KLK3: variants seen among roughly 807,000 people sequenced by gnomAD.
KLK3 encodes kallikrein related peptidase 3, also known as prostate-specific antigen.
Under a neutral mutation model 27.7 loss-of-function variants are expected in KLK3, and 23 were observed. That is an observed-to-expected ratio of 0.83 (90% CI 0.60 to 1.17). The LOEUF (loss-of-function observed/expected upper bound fraction) is 1.17. Among genes scored for constraint, KLK3 ranks in the 50% most tolerant of loss-of-function variants. The pLI, the probability that KLK3 is intolerant of heterozygous loss-of-function variation, is 0.00. For missense variants in KLK3, 322 were observed against 338.1 expected, an observed-to-expected ratio of 0.95 and a Z score of 0.37; for synonymous variants, 142 against 134.2, an observed-to-expected ratio of 1.06 and a Z score of -0.40.
intron 4 of KLK3, 87 bp from the exon 5 acceptor site, chr19:50,859,885 A>T: frequency 1.3e-6 from 2 of 1,524,844 alleles, no homozygotes; most frequent in East Asian, 2.3e-5. Flanking sequence ...GCTATCTGTT[A>T]TCTGCCTGTC....
At chr19:50,856,460 G>T in intron 2 of KLK3, 61 bp downstream of exon 2, 1 of 1,574,364 alleles carries the variant, frequency 6.4e-7, no homozygotes. Context: ...TAACAGCTGG[G>T]CATTTTCCCC....
intron 4 of KLK3, among the ~76,000 whole-genome samples, chr19:50,859,132 T>G (rs540034215): frequency 1.3e-5 from 2 of 151,632 alleles, no homozygotes; most frequent in South Asian, 4.2e-4. Flanking sequence ...TGGCCAGGCC[T>G]GGGAGGAGGG....
In KLK3 at chr19:50,858,712, T is replaced by G. The variant is rs535742056; in HGVS notation, c.630+117T>G. ...CTCCCCTGCTCCCCAGCTGTAGCCA[T>G]GCCACCTCCCCGTGTCTCATCTCAT... is the stretch of plus-strand genomic sequence containing the variant. On this transcript the variant is annotated intron_variant, in intron 4 of 4. Coordinates refer to ENST00000326003, the MANE Select transcript of KLK3 (RefSeq NM_001648.2). 3 of 1,140,844 alleles carry G rather than the reference T, an allele frequency of 2.6e-6. No homozygotes were observed. The African/African-American group carries it at 4.6e-5, about 18-fold the overall frequency. 70.7% of individuals were successfully genotyped at this position (1,140,844 alleles called of 1,614,324 possible).
chr19:50,859,909 T>C (rs938061266), intron 4 of KLK3, 63 bp from the exon 5 acceptor site: 10 of 1,548,182 alleles, frequency 6.5e-6, no homozygotes, highest in African/African-American at 2.7e-5. Flanking sequence ...GTCTGAAAGA[T>C]AGGATTGCCC....
At chr19:50,855,136 C>G in intron 1 of KLK3, 135 bp downstream of exon 1, 1 of 839,328 alleles carries the variant, frequency 1.2e-6, no homozygotes. Context: ...CCCAGCCCCA[C>G]TCCAAGCCCA....
chr19:50,858,526 T>A lies in KLK3; in HGVS notation c.561T>A (p.Val187=). ...TTTCCAATGACGTGTGTGCGCAAGT[T>A]CACCCTCAGAAGGTGACCAAGTTCA... is the stretch of plus-strand genomic sequence containing the variant. ...HVISNDVCAQ[V]HPQKVTKFML... is the part of the protein sequence containing the mutation. Residue 187 remains valine (V), a synonymous_variant, in exon 4 of 5, where the codon GTT becomes GTA. Transcript: ENST00000326003. The A allele has an allele frequency of 6.2e-7, 1 of 1,614,168 alleles. No individual in the cohort carries two copies. Among genetic ancestry groups the A allele is most frequent in the Non-Finnish European group, 8.5e-7 (1 of 1,180,022 alleles).
rs10401978 is a variant in KLK3 at position 50,859,685 on chromosome 19, G to A, written c.631-287G>A. 1,372 of 1,592,780 alleles carry A rather than the reference G, an allele frequency of 8.6e-4. 5 individuals carry two copies. The African/African-American group carries it at 0.017, about 20-fold the overall frequency. On this transcript the variant is annotated intron_variant, in intron 4 of 4. Transcript: ENST00000326003. ...GGACAGCATCCTGCAGATGGTCCTG[G>A]CCCTTGTCCCACCGACCTGTCTACA...
intron 4 of KLK3, among the ~76,000 whole-genome samples, chr19:50,859,221 G>A (rs62113213): frequency 0.063 from 9,595 of 152,160 alleles, 328 homozygotes; most frequent in South Asian, 0.12. Context: ...AGGGAAGAAA[G>A]GACCCCTCCT....
At position 50,855,011 on chromosome 19, in the gene KLK3, G is replaced by A. The variant is rs1198995791; in HGVS notation, c.46+10G>A. The A allele has an allele frequency of 1.2e-6, 2 of 1,613,640 alleles. No homozygotes were observed. The highest frequency in any genetic ancestry group is 1.3e-5 in the African/African-American group (1 of 74,966). ...TCCGTGACGTGGATTGGTGAGAGGG[G>A]CCATGGTTGGGGGGATGCAGGAGAG... On this transcript the variant is annotated intron_variant, in intron 1 of 4. Coordinates refer to ENST00000326003, the MANE Select transcript of KLK3 (RefSeq NM_001648.2).
Position 50,858,319 on chromosome 19 carries a change from C to A in KLK3, c.493+4C>A. ...GGCAGCATTGAACCAGAGGAGTGTA[C>A]GCCTGGGCCAGATGGTGCAGCCGGG... On this transcript the variant is annotated splice_donor_region_variant and intron_variant, in intron 3 of 4. Transcript: ENST00000326003. 1 of 1,610,464 alleles carries A rather than the reference C, an allele frequency of 6.2e-7. No individual in the cohort carries two copies. The highest frequency in any genetic ancestry group is 8.5e-7 in the Non-Finnish European group (1 of 1,177,742).
intron 2 of KLK3, 27 bp downstream of exon 2, chr19:50,856,426 G>T: frequency 6.2e-7 from 1 of 1,607,732 alleles, no homozygotes; most frequent in East Asian, 2.2e-5. Context: ...GGTCTGGGGA[G>T]CAGGTGTCTG....
In KLK3 at chr19:50,857,896, A is replaced by G; in HGVS notation, c.207-133A>G. ...CTCGTTGTCTGTATTTTTGGCCTGAACTGTGTCTTCCCCAACCCTGTGTTT... is the reference window on the plus strand; with the variant it reads ...CTCGTTGTCTGTATTTTTGGCCTGAGCTGTGTCTTCCCCAACCCTGTGTTT... On this transcript the variant is annotated intron_variant, in intron 2 of 4. Coordinates refer to ENST00000326003, the MANE Select transcript of KLK3 (RefSeq NM_001648.2). 5.2e-6 allele frequency: 5 copies of G among 961,254 alleles called. No individual in the cohort carries two copies. The South Asian group carries it at 8.9e-5, about 17-fold the overall frequency. The allele number at this position is 961,254 out of a possible 1,614,324, so 59.5% of individuals were successfully genotyped here.
rs1187731884 is a variant in KLK3, at chr19:50,860,190, C to G, written c.*63C>G. The G allele has an allele frequency of 2.3e-6, 3 of 1,312,356 alleles. No homozygotes were observed. In the African/African-American group the frequency reaches 4.4e-5, roughly 19 times the overall value. 81.3% of individuals were successfully genotyped at this position (1,312,356 alleles called of 1,614,324 possible). A position where few individuals can be genotyped will look rare whatever the true frequency, so the allele number is the denominator to read the frequency against. ...CCTTGGAAATGACCAGGCCAAGACTCAAGCCTCCCCAGTTCTACTGACCTT... is the reference window on the plus strand; with the variant it reads ...CCTTGGAAATGACCAGGCCAAGACTGAAGCCTCCCCAGTTCTACTGACCTT... On this transcript the variant is annotated 3_prime_UTR_variant, in exon 5 of 5. Coordinates refer to ENST00000326003, the MANE Select transcript of KLK3 (RefSeq NM_001648.2).
chr19:50,858,175 G>A lies in KLK3; in HGVS notation c.353G>A (p.Ser118Asn). The change falls in exon 3 of 5, where the codon AGC becomes AAC. Residue 118 changes from serine to asparagine, a missense_variant. Ser to Asn is a conservative substitution (Grantham distance 46). Transcript: ENST00000326003. The part of the protein sequence containing the change: ...NRFLRPGDDS[S>N]HDLMLLRLSE... Reference sequence around the variant, plus strand: ...TTCCTCAGGCCAGGTGATGACTCCAGCCACGACCTCATGCTGCTCCGCCTG... The same window carrying A: ...TTCCTCAGGCCAGGTGATGACTCCAACCACGACCTCATGCTGCTCCGCCTG... The A allele has an allele frequency of 1.2e-6, 2 of 1,614,186 alleles. No individual in the cohort carries two copies. Among genetic ancestry groups the A allele is most frequent in the Non-Finnish European group, 1.7e-6 (2 of 1,180,040 alleles).
At chr19:50,857,183 A>AAAAAAAAAAAAG (rs1491335383) in intron 2 of KLK3, among the ~76,000 whole-genome samples, 1 of 128,928 alleles carries the variant, frequency 7.8e-6, no homozygotes, top group Non-Finnish European at 1.7e-5. Flanking sequence ...AAAAAAAAAA[A>AAAAAAAAAAAAG]GAAAAGAAAA....
chr19:50,860,399 TGTGG>T lies in KLK3; in HGVS notation c.*274_*277del. The T allele has an allele frequency of 2.9e-6, 1 of 345,176 alleles. No homozygotes were observed. Among genetic ancestry groups the T allele is most frequent in the Non-Finnish European group, 5.3e-6 (1 of 187,224 alleles). The allele number at this position is 345,176 out of a possible 1,614,324, so 21.4% of individuals were successfully genotyped here. A position where few individuals can be genotyped will look rare whatever the true frequency, so the allele number is the denominator to read the frequency against. ...GATAGGATGGGGTGTCTGTGTTATT[TGTGG>T]GGTACAGAGATGAAAGAGGGGTGGG... On this transcript the variant is annotated 3_prime_UTR_variant, in exon 5 of 5. Transcript: ENST00000326003.
intron 4 of KLK3, chr19:50,859,431 G>C: frequency 1.1e-6 from 1 of 893,010 alleles, no homozygotes; most frequent in Non-Finnish European, 1.8e-6. Flanking sequence ...CCTGGGGGTG[G>C]CTCCAGGCAT....
At chr19:50,857,985 C>T (rs2090159535) in intron 2 of KLK3, 44 bp from the exon 3 acceptor site, 1 of 1,561,186 alleles carries the variant, frequency 6.4e-7, no homozygotes, top group Non-Finnish European at 8.6e-7. Flanking sequence ...TCTCTCTTTC[C>T]TTATCATCCT....
intron 4 of KLK3, 125 bp from the exon 5 acceptor site, chr19:50,859,847 T>A: frequency 6.6e-7 from 1 of 1,504,730 alleles, no homozygotes; most frequent in Non-Finnish European, 8.9e-7. Context: ...TCTGGAGACA[T>A]TTCTCTCTTC....
Sources: gnomAD v4.1 joint callset for allele counts (sites outside exome capture counted in the v4.1 genomes callset) on GRCh38, gnomAD v4.1.1 for gene constraint, MANE v1.5 for transcripts, NCBI Gene and HGNC (gene_info 2026-07-23, HGNC 2026-07-21) for gene names.